The following RBFOX1 variants were observed in gnomAD, a reference collection of about 807,000 sequenced individuals.
The protein encoded by RBFOX1 is RNA binding fox-1 homolog 1, also known as RNA binding protein fox-1 homolog 1.
Under a neutral mutation model 57.7 loss-of-function variants are expected in RBFOX1, and 8 were observed. The observed-to-expected ratio is 0.14, with a 90% CI of 0.08 to 0.25. The LOEUF is 0.25. RBFOX1 is among the 10% of genes least tolerant of loss of function. The pLI, the probability that RBFOX1 is intolerant of heterozygous loss-of-function variation, is 1.00. For missense variants in RBFOX1, 611 were observed against 548.5 expected, an observed-to-expected ratio of 1.11 and a Z score of -1.14; for synonymous variants, 326 against 222.4, an observed-to-expected ratio of 1.47 and a Z score of -4.15.
chr16:7,215,355 A>G (rs1403482104), intron 4 of RBFOX1, among the ~76,000 whole-genome samples: 2 of 152,230 alleles, frequency 1.3e-5, no homozygotes, highest in African/African-American at 4.8e-5. Flanking sequence ...TCTTCTATAA[A>G]GACACCTGCA....
chr16:5,454,939 C>CTTTCT (rs1567535661), intron 1 of RBFOX1, among the ~76,000 whole-genome samples: 60 of 43,944 alleles, frequency 1.4e-3, no homozygotes, highest in African/African-American at 5.0e-3. Context: ...TCCTTCCTTC[C>CTTTCT]TTCCTTCCTT....
At chr16:6,457,872 C>A (rs138326524) in intron 2 of RBFOX1, among the ~76,000 whole-genome samples, 2 of 152,276 alleles carry the variant, frequency 1.3e-5, no homozygotes, top group African/African-American at 4.8e-5. Context: ...AGTTTCTCCC[C>A]TGCAATTCAG....
intron 3 of RBFOX1, among the ~76,000 whole-genome samples, chr16:5,837,883 G>A (rs2056509787): frequency 6.6e-6 from 1 of 152,082 alleles, no homozygotes. Flanking sequence ...TGAGTTGGCT[G>A]GGGCAGAGGA....
intron 1 of RBFOX1, among the ~76,000 whole-genome samples, chr16:5,356,131 G>A (rs905168172): frequency 7.2e-5 from 11 of 152,194 alleles, no homozygotes; most frequent in African/African-American, 2.7e-4. Context: ...GACAGGCACA[G>A]AGGGGAAGGC....
intron 4 of RBFOX1, among the ~76,000 whole-genome samples, chr16:7,128,556 C>G (rs1211400850): frequency 2.6e-5 from 4 of 152,156 alleles, no homozygotes; most frequent in South Asian, 2.1e-4. Flanking sequence ...CAGCAGTGAG[C>G]TGGCACAATT....
chr16:7,383,267 TAAAA>T (rs201018914), intron 4 of RBFOX1, among the ~76,000 whole-genome samples: 7 of 134,802 alleles, frequency 5.2e-5, no homozygotes, highest in Non-Finnish European at 8.1e-5. Flanking sequence ...CCATAAAAAT[TAAAA>T]AAAAAAAAAA....
At chr16:6,948,451 C>T (rs146741103) in intron 3 of RBFOX1, among the ~76,000 whole-genome samples, 7 of 117,780 alleles carry the variant, frequency 5.9e-5, no homozygotes, top group African/African-American at 2.0e-4. Flanking sequence ...CAGTTTATCT[C>T]GGCTCACTAC....
intron 4 of RBFOX1, among the ~76,000 whole-genome samples, chr16:7,090,582 T>A (rs1370124764): frequency 1.3e-5 from 2 of 152,220 alleles, no homozygotes; most frequent in South Asian, 2.1e-4. Context: ...TACATTTTTT[T>A]CCCTTAAATT....
intron 3 of RBFOX1, among the ~76,000 whole-genome samples, chr16:6,678,011 A>G (rs78007036): frequency 0.035 from 5,369 of 152,334 alleles, 149 homozygotes; most frequent in South Asian, 0.061. Context: ...TTCTAGTAGC[A>G]ACATTAAAAA....
intron 3 of RBFOX1, among the ~76,000 whole-genome samples, chr16:6,978,285 C>T (rs1265571402): frequency 6.6e-6 from 1 of 152,164 alleles, no homozygotes; most frequent in Non-Finnish European, 1.5e-5. Flanking sequence ...TTCTGAATGT[C>T]TTTATTGTGG....
intron 3 of RBFOX1, among the ~76,000 whole-genome samples, chr16:7,041,500 G>T (rs868524721): frequency 6.6e-6 from 1 of 152,088 alleles, no homozygotes; most frequent in Non-Finnish European, 1.5e-5. Flanking sequence ...TGTGACAAGC[G>T]CTGTCCTTAC....
chr16:6,559,590 G>A (rs1010396392), intron 2 of RBFOX1, among the ~76,000 whole-genome samples: 9 of 150,838 alleles, frequency 6.0e-5, no homozygotes, highest in Middle Eastern at 3.4e-3. Flanking sequence ...AAAATAGGAC[G>A]TGTGGGTGTA....
intron 3 of RBFOX1, among the ~76,000 whole-genome samples, chr16:5,779,077 C>T (rs1179700536): frequency 1.3e-5 from 2 of 152,284 alleles, no homozygotes; most frequent in East Asian, 3.9e-4. Flanking sequence ...ATGAACCATG[C>T]TGTCAATGAC....
exon 3 of RBFOX1, chr16:5,599,635 T>A (rs1399416097): frequency 5.4e-6 from 1 of 185,726 alleles, no homozygotes; most frequent in Non-Finnish European, 1.1e-5. Flanking sequence ...AGACTGTTGC[T>A]GTTTGGTATT....
intron 2 of RBFOX1, among the ~76,000 whole-genome samples, chr16:6,609,227 T>C (rs1170174619): frequency 6.6e-6 from 1 of 152,186 alleles, no homozygotes; most frequent in Non-Finnish European, 1.5e-5. Context: ...ACTTTATAGA[T>C]GGTTGTTGGG....
chr16:7,377,764 C>G (rs1880997126), intron 4 of RBFOX1, among the ~76,000 whole-genome samples: 1 of 152,290 alleles, frequency 6.6e-6, no homozygotes, highest in East Asian at 1.9e-4. Context: ...GTCTAGGCCC[C>G]TGCTGTCTCA....
At chr16:6,133,178 C>G (rs1197328297) in intron 1 of RBFOX1, among the ~76,000 whole-genome samples, 1 of 151,984 alleles carries the variant, frequency 6.6e-6, no homozygotes, top group Non-Finnish European at 1.5e-5. Context: ...TTGGGGCTCT[C>G]TATAAGACAG....
intron 3 of RBFOX1, among the ~76,000 whole-genome samples, chr16:6,678,214 C>G (rs1020678820): frequency 1.3e-5 from 2 of 152,162 alleles, no homozygotes; most frequent in African/African-American, 4.8e-5. Flanking sequence ...GCCTCTGCCT[C>G]CTTGAGTTCA....
chr16:7,522,467 A>G (rs2077720404), intron 5 of RBFOX1, among the ~76,000 whole-genome samples: 1 of 152,216 alleles, frequency 6.6e-6, no homozygotes, highest in South Asian at 2.1e-4. Context: ...TTAAAGACCT[A>G]GAAGACAATA....
Sources: allele counts gnomAD v4.1 joint callset (sites outside exome capture counted in the v4.1 genomes callset), GRCh38; gene constraint gnomAD v4.1.1; transcripts MANE v1.5; gene names NCBI Gene and HGNC (gene_info 2026-07-23, HGNC 2026-07-21).